COL5A1: variants seen among roughly 807,000 people sequenced by gnomAD.
COL5A1 encodes the protein collagen alpha-1(V) chain.
In COL5A1, 16 loss-of-function variants were observed where a neutral mutation model predicts 263.7. The ratio of observed to expected loss-of-function variants is 0.06; its 90% CI spans 0.04 to 0.09. The LOEUF (loss-of-function observed/expected upper bound fraction) is 0.09, where lower values mean the gene tolerates loss of function less well. Ranked by LOEUF, COL5A1 falls within the 10% of genes least tolerant of loss-of-function variation. The pLI is 1.00. For missense variants in COL5A1, 2,036 were observed against 2,540.5 expected (o/e 0.80, Z 4.27); for synonymous variants, 1,012 against 1,004.5 (o/e 1.01, Z -0.14).
chr9:134,810,625 A>C (rs1490018618), intron 44 of COL5A1, among the ~76,000 whole-genome samples: 1 of 152,262 alleles, frequency 6.6e-6, no homozygotes, highest in Non-Finnish European at 1.5e-5. Context: ...TGAGGGAACC[A>C]GAATGCTCCG....
At position 134,652,733 on chromosome 9, in the gene COL5A1, TCA is replaced by T; in HGVS notation, c.109+10438_109+10439del. The T allele has an allele frequency of 2.1e-6, 1 of 470,890 alleles. No individual in the cohort carries two copies. The highest frequency in any genetic ancestry group is 1.5e-5 in the South Asian group (1 of 64,572). 29.2% of individuals were successfully genotyped at this position (470,890 alleles called of 1,614,324 possible). ...CCCATGGTCTTCTCATGGCTCATTG[TCA>T]GACAGGAGGGAGGGCCTCTTCTTAG... On this transcript the variant is annotated intron_variant, in intron 1 of 65. Transcript: ENST00000371817. The surrounding 1 kb of genome is among the most constrained non-coding windows in gnomAD (Gnocchi z 4.4).
chr9:134,726,355 GATGT>G (rs567884553), intron 4 of COL5A1, among the ~76,000 whole-genome samples: 102 of 152,010 alleles, frequency 6.7e-4, no homozygotes, highest in African/African-American at 2.3e-3. Context: ...TGGATGGAAG[GATGT>G]ATGTATCTGG....
intron 65 of COL5A1, 110 bp downstream of exon 65, chr9:134,835,314 GGCCCCGGACCAGACTCTC>G (rs1354995570): frequency 4.1e-6 from 4 of 982,938 alleles, no homozygotes; most frequent in Non-Finnish European, 6.2e-6. Context: ...GGGCAGTGAG[GGCCCCGGACCAGACTCTC>G]GCCCCAGGCA....
chr9:134,709,602 C>T (rs1833957802), intron 4 of COL5A1, among the ~76,000 whole-genome samples: 1 of 152,164 alleles, frequency 6.6e-6, no homozygotes, highest in Admixed American at 6.5e-5. Context: ...TCCAGAGACC[C>T]CACAGGGTTG....
chr9:134,705,694 G>T (rs1043857727), intron 4 of COL5A1, among the ~76,000 whole-genome samples: 2 of 152,318 alleles, frequency 1.3e-5, no homozygotes, highest in East Asian at 1.9e-4. Flanking sequence ...GGTCTTTGGC[G>T]GTGAGAGCTG....
Position 134,696,567 on chromosome 9 carries a change from TTGAC to T in COL5A1, c.278-3339_278-3336del, listed in dbSNP as rs1833476508. ...TGAGGTCAGGGACCATATCTGTCCT[TTGAC>T]TGTGTCACCCCAGCGCCTGGCACCA... On this transcript the variant is annotated intron_variant, in intron 2 of 65. Transcript: ENST00000371817. This position sits in a 1 kb window ranked among gnomAD's most constrained non-coding sequence, Gnocchi z 4.3. Among the ~76,000 whole-genome samples, 1 of 152,242 alleles carries T rather than the reference TTGAC, an allele frequency of 6.6e-6. No individual in the cohort carries two copies. The highest frequency in any genetic ancestry group is 2.4e-5 in the African/African-American group (1 of 41,460).
In COL5A1 at chr9:134,677,452, GCA is replaced by G. The variant is rs1259126964; in HGVS notation, c.110-13459_110-13458del. Among the ~76,000 whole-genome samples the G allele has an allele frequency of 6.6e-6, 1 of 152,150 alleles. No homozygotes were observed. The highest frequency in any genetic ancestry group is 1.9e-4 in the East Asian group (1 of 5,188). ...CTAAATCCCGAATCTGCCCACACAG[GCA>G]GGAATCCAGTGCATCCAGTAGAGAG... On this transcript the variant is annotated intron_variant, in intron 1 of 65. Coordinates refer to ENST00000371817, the MANE Select transcript of COL5A1 (RefSeq NM_000093.5). This position sits in a 1 kb window ranked among gnomAD's most constrained non-coding sequence, Gnocchi z 4.4.
chr9:134,787,514 C>T (rs930773044), intron 31 of COL5A1, among the ~76,000 whole-genome samples: 2 of 152,214 alleles, frequency 1.3e-5, no homozygotes, highest in Non-Finnish European at 2.9e-5. Flanking sequence ...CAGTGGCCAG[C>T]GCCAACCCTG....
chr9:134,707,149 G>C (rs998428948), intron 4 of COL5A1, among the ~76,000 whole-genome samples: 3 of 152,224 alleles, frequency 2.0e-5, no homozygotes, highest in African/African-American at 7.2e-5. Flanking sequence ...CTATGACCAG[G>C]AGGGGGGCCG....
At chr9:134,676,887 T>G (rs1832700469) in intron 1 of COL5A1, among the ~76,000 whole-genome samples, 1 of 152,240 alleles carries the variant, frequency 6.6e-6, no homozygotes, top group Admixed American at 6.5e-5. Flanking sequence ...TCCTCCTTCT[T>G]CCTTCCTTTG....
At chr9:134,762,567 G>T (rs1227011745) in intron 19 of COL5A1, among the ~76,000 whole-genome samples, 1 of 152,198 alleles carries the variant, frequency 6.6e-6, no homozygotes, top group Non-Finnish European at 1.5e-5. Context: ...GGATCTCTGG[G>T]CCACAGCACA....
chr9:134,818,722 A>G lies in COL5A1; in HGVS notation c.4297A>G (p.Lys1433Glu), dbSNP rs1554806543. The change falls in exon 55 of 66, where the codon AAG becomes GAG. Residue 1433 changes from lysine to glutamate, a missense_variant. Coordinates refer to ENST00000371817, the MANE Select transcript of COL5A1 (RefSeq NM_000093.5). This position sits in a 1 kb window ranked among gnomAD's most constrained non-coding sequence, Gnocchi z 6.0. ...GPIGPQGAPG[K>E]PGPDGLRGIP... ...CATCGGCCCCCAGGGGGCCCCTGGG[A>G]AGCCCGGACCGGATGGCCTTCGAGG... 2 of 1,611,266 alleles carry G rather than the reference A, an allele frequency of 1.2e-6. No homozygotes were observed. The highest frequency in any genetic ancestry group is 1.7e-6 in the Non-Finnish European group (2 of 1,179,224).
chr9:134,695,440 C>T (rs1277419000), intron 2 of COL5A1, among the ~76,000 whole-genome samples: 1 of 152,218 alleles, frequency 6.6e-6, no homozygotes, highest in Non-Finnish European at 1.5e-5. Flanking sequence ...CAGGATTGCG[C>T]TGAGTGCTGG....
At chr9:134,713,537 T>C (rs1442168167) in intron 4 of COL5A1, among the ~76,000 whole-genome samples, 1 of 152,262 alleles carries the variant, frequency 6.6e-6, no homozygotes, top group Non-Finnish European at 1.5e-5. Context: ...GCTGGGACTA[T>C]GTTCTCGAAC....
Position 134,757,789 on chromosome 9 carries a change from C to G in COL5A1, c.1882-454C>G, listed in dbSNP as rs1026073852. Among the ~76,000 whole-genome samples, 1 of 152,182 alleles carries G rather than the reference C, an allele frequency of 6.6e-6. No individual in the cohort carries two copies. Among genetic ancestry groups the G allele is most frequent in the Non-Finnish European group, 1.5e-5 (1 of 68,026 alleles). ...AGAGAGCCAGGATGCCTGAGGGTAGCCAGTGCTGGCCCGTCCACCAATGGG... is the reference window on the plus strand; with the variant it reads ...AGAGAGCCAGGATGCCTGAGGGTAGGCAGTGCTGGCCCGTCCACCAATGGG... On this transcript the variant is annotated intron_variant, in intron 17 of 65. Transcript: ENST00000371817. This position sits in a 1 kb window ranked among gnomAD's most constrained non-coding sequence, Gnocchi z 6.2.
rs1314093164 is a variant in COL5A1 at position 134,696,249 on chromosome 9, C to T, written c.278-3660C>T. Among the ~76,000 whole-genome samples the T allele has an allele frequency of 1.3e-5, 2 of 152,160 alleles. No homozygotes were observed. The highest frequency in any genetic ancestry group is 2.4e-5 in the African/African-American group (1 of 41,422). On this transcript the variant is annotated intron_variant, in intron 2 of 65. Coordinates refer to ENST00000371817, the MANE Select transcript of COL5A1 (RefSeq NM_000093.5). The surrounding 1 kb of genome is among the most constrained non-coding windows in gnomAD (Gnocchi z 4.3). ...AGTGCAGTGGTGTAATCTTGGCTCA[C>T]GGCAACCTCTGCCTCCCAGGTTCAA...
At chr9:134,656,765 T>C (rs1259734361) in intron 1 of COL5A1, among the ~76,000 whole-genome samples, 1 of 151,384 alleles carries the variant, frequency 6.6e-6, no homozygotes, top group African/African-American at 2.4e-5. Context: ...GTAACTTTTA[T>C]AAAGTGTGAA....
Position 134,785,171 on chromosome 9 carries a change from G to A in COL5A1, c.2592+75G>A, listed in dbSNP as rs71506921. On this transcript the variant is annotated intron_variant, in intron 30 of 65. Coordinates refer to ENST00000371817, the MANE Select transcript of COL5A1 (RefSeq NM_000093.5). ...CCCTTCCCCATGGCCTCGGGCTCCC[G>A]TTGGCTGTGGCTGCCCTAGGCATGG... 57,934 of 1,248,672 alleles carry A rather than the reference G, an allele frequency of 0.046. 1,546 individuals are homozygous for A. The highest frequency in any genetic ancestry group is 0.054 in the Non-Finnish European group (46,081 of 857,976). The allele number at this position is 1,248,672 out of a possible 1,614,324, so 77.3% of individuals were successfully genotyped here.
In COL5A1 at chr9:134,741,544, G is replaced by A. The variant is rs1835303682; in HGVS notation, c.1494+2736G>A. 6.6e-6 allele frequency among the ~76,000 whole-genome samples: 1 copy of A among 152,050 alleles called. No individual in the cohort carries two copies. Among genetic ancestry groups the A allele is most frequent in the Non-Finnish European group, 1.5e-5 (1 of 68,024 alleles). On this transcript the variant is annotated intron_variant, in intron 11 of 65. Coordinates refer to ENST00000371817, the MANE Select transcript of COL5A1 (RefSeq NM_000093.5). The surrounding 1 kb of genome is among the most constrained non-coding windows in gnomAD (Gnocchi z 4.5). ...AAAGTCTGTTGATGCAGATTCACTG[G>A]GGGCTGGCCTCCCTCTCAGGTGATA...
Sources: gnomAD v4.1 joint callset for allele counts (sites outside exome capture counted in the v4.1 genomes callset) on GRCh38, gnomAD v4.1.1 for gene constraint, Gnocchi (gnomAD v3.1) non-coding constraint, MANE v1.5 for transcripts, NCBI Gene and HGNC (gene_info 2026-07-23, HGNC 2026-07-21) for gene names.